Variants in HDAC4 observed in about 807,000 individuals in gnomAD.
HDAC4 encodes the protein histone deacetylase A.
In HDAC4, 16 loss-of-function variants were observed where a neutral mutation model predicts 135.1. That is an observed-to-expected ratio of 0.12 (90% CI 0.08 to 0.18). The LOEUF (loss-of-function observed/expected upper bound fraction) is 0.18, where lower values mean the gene tolerates loss of function less well. Among genes scored for constraint, HDAC4 ranks in the 10% least tolerant of loss-of-function variants. HDAC4 has a pLI of 1.00. For synonymous variants in HDAC4, 685 were observed against 653.4 expected, an observed-to-expected ratio of 1.05 and a Z score of -0.74; for missense variants, 1,143 against 1,511.8, an observed-to-expected ratio of 0.76 and a Z score of 4.05.
At chr2:239,172,417 C>G (rs927804444) in intron 5 of HDAC4, among the ~76,000 whole-genome samples, 16 of 151,262 alleles carry the variant, frequency 1.1e-4, no homozygotes, top group Admixed American at 3.3e-4. Context: ...ATAAATATAT[C>G]AATAATTACA....
In HDAC4 at chr2:239,050,499, A is replaced by G. The variant is rs1485033859; in HGVS notation, c.*2598T>C. On this transcript the variant is annotated 3_prime_UTR_variant, in exon 27 of 27. Coordinates refer to ENST00000543185, the MANE Select transcript of HDAC4 (RefSeq NM_001378414.1). The stretch of plus-strand genomic sequence containing the variant: ...CTTGCCAATCTGGGCTTCAGAGCAA[A>G]GAGTGGCCACCAGGGAGGGGAAAGT... 1 of 152,558 alleles carries G rather than the reference A, an allele frequency of 6.6e-6. No homozygotes were observed. The highest frequency in any genetic ancestry group is 1.5e-5 in the Non-Finnish European group (1 of 68,100). The allele number at this position is 152,558 out of a possible 1,614,324, so 9.5% of individuals were successfully genotyped here.
At chr2:239,234,038 C>T (rs1400154275) in intron 3 of HDAC4, among the ~76,000 whole-genome samples, 1 of 152,228 alleles carries the variant, frequency 6.6e-6, no homozygotes, top group African/African-American at 2.4e-5. Flanking sequence ...ATCAATTTTC[C>T]AGTTATCACC....
At chr2:239,391,665 A>G (rs1014164196) in intron 1 of HDAC4, among the ~76,000 whole-genome samples, 7 of 152,248 alleles carry the variant, frequency 4.6e-5, no homozygotes, top group Non-Finnish European at 1.0e-4. Context: ...TCAACACCCC[A>G]GAGCCATGGA....
Position 239,388,222 on chromosome 2 carries a change from T to C in HDAC4, c.-220+12756A>G, listed in dbSNP as rs1695955385. 2.6e-5 allele frequency among the ~76,000 whole-genome samples: 4 copies of C among 152,214 alleles called. No individual in the cohort carries two copies. The South Asian group carries it at 6.2e-4, about 24-fold the overall frequency. ...CAACAGTTCTTCAAGGAGGAAACCCTGAAGTCTGCTTTGCAGATGGGTGGA... is the reference window on the plus strand; with the variant it reads ...CAACAGTTCTTCAAGGAGGAAACCCCGAAGTCTGCTTTGCAGATGGGTGGA... On this transcript the variant is annotated intron_variant, in intron 1 of 26. Coordinates refer to ENST00000543185, the MANE Select transcript of HDAC4 (RefSeq NM_001378414.1).
In HDAC4 at chr2:239,285,877, C is replaced by T. The variant is rs2051109317; in HGVS notation, c.23-49213G>A. On this transcript the variant is annotated intron_variant, in intron 2 of 26. Transcript: ENST00000543185. The surrounding 1 kb of genome is among the most constrained non-coding windows in gnomAD (Gnocchi z 4.5). ...CAGGGGCTGGAGTCCAGGGCAGCTC[C>T]CAGGAAATGCACGTGGCATGCCTAT... Among the ~76,000 whole-genome samples the T allele has an allele frequency of 6.6e-6, 1 of 152,100 alleles. No individual in the cohort carries two copies. Among genetic ancestry groups the T allele is most frequent in the Non-Finnish European group, 1.5e-5 (1 of 68,014 alleles).
intron 1 of HDAC4, among the ~76,000 whole-genome samples, chr2:239,385,625 G>C (rs1187152796): frequency 1.3e-5 from 2 of 152,250 alleles, no homozygotes; most frequent in Admixed American, 6.5e-5. Flanking sequence ...AAGCCGGCCT[G>C]TGATAAGGAA....
chr2:239,130,795 G>T (rs1038546523), intron 11 of HDAC4, among the ~76,000 whole-genome samples: 1 of 152,180 alleles, frequency 6.6e-6, no homozygotes, highest in Admixed American at 6.5e-5. Context: ...CTGGGTCTTG[G>T]GGGGCCCTGT....
intron 6 of HDAC4, 136 bp downstream of exon 6, chr2:239,163,667 G>A: frequency 1.1e-6 from 1 of 932,920 alleles, no homozygotes; most frequent in Non-Finnish European, 1.8e-6. Context: ...GAGCACCACT[G>A]TGCTTGGGGT....
At chr2:239,385,804 C>A (rs911653599) in intron 1 of HDAC4, among the ~76,000 whole-genome samples, 1 of 152,152 alleles carries the variant, frequency 6.6e-6, no homozygotes, top group African/African-American at 2.4e-5. Context: ...GAGGAAGCCA[C>A]GGAGGCTGTG....
chr2:239,066,970 A>G lies in HDAC4; in HGVS notation c.2870-115T>C, dbSNP rs929216581. ...ACTGGGGGCTGGGGTGTCGAGACAC[A>G]TGGCCAGGCCGGGTTTCGTTTAATA... On this transcript the variant is annotated intron_variant, in intron 23 of 26. Coordinates refer to ENST00000543185, the MANE Select transcript of HDAC4 (RefSeq NM_001378414.1). 6 of 1,290,940 alleles carry G rather than the reference A, an allele frequency of 4.6e-6. No homozygotes were observed. In the African/African-American group the frequency reaches 8.9e-5, roughly 19 times the overall value. The allele number at this position is 1,290,940 out of a possible 1,614,324, so 80.0% of individuals were successfully genotyped here.
chr2:239,228,204 GCCCAGGACCAAGCA>G (rs2153151663), intron 3 of HDAC4, among the ~76,000 whole-genome samples: 1 of 152,274 alleles, frequency 6.6e-6, no homozygotes, highest in African/African-American at 2.4e-5. Context: ...CTGCGCCCTG[GCCCAGGACCAAGCA>G]GCCCCGGGAC....
rs907714116 is a variant in HDAC4, at chr2:239,065,354, C to T, written c.3003+1368G>A. Among the ~76,000 whole-genome samples, 2 of 152,352 alleles carry T rather than the reference C, an allele frequency of 1.3e-5. 1 individual carries two copies. Among genetic ancestry groups the T allele is most frequent in the Middle Eastern group, 6.8e-3 (2 of 294 alleles). ...GCAAAAGCCAGCACTGACCCGAGGG[C>T]ATCTGAGCTGCTGTCCCACTGGTTC... On this transcript the variant is annotated intron_variant, in intron 24 of 26. Transcript: ENST00000543185.
At chr2:239,079,567 G>A (rs1559383297) in intron 22 of HDAC4, among the ~76,000 whole-genome samples, 1 of 152,250 alleles carries the variant, frequency 6.6e-6, no homozygotes, top group African/African-American at 2.4e-5. Context: ...CAGACACTGA[G>A]AGGGGTCTCG....
chr2:239,353,557 A>G (rs1693300779), intron 1 of HDAC4, among the ~76,000 whole-genome samples: 1 of 152,186 alleles, frequency 6.6e-6, no homozygotes, highest in Admixed American at 6.5e-5. Context: ...TCCACACACC[A>G]GATGCCAGCA....
chr2:239,360,002 G>A (rs1693754751), intron 1 of HDAC4, among the ~76,000 whole-genome samples: 1 of 152,194 alleles, frequency 6.6e-6, no homozygotes, highest in Non-Finnish European at 1.5e-5. Context: ...GTTCATGGTT[G>A]CAAGCAATAG....
chr2:239,394,490 T>TGCCTTG (rs1696437506), intron 1 of HDAC4, among the ~76,000 whole-genome samples: 1 of 152,222 alleles, frequency 6.6e-6, no homozygotes. Context: ...TGCACACACC[T>TGCCTTG]GCCTTGGCCT....
intron 2 of HDAC4, among the ~76,000 whole-genome samples, chr2:239,249,913 G>A (rs1169888906): frequency 6.6e-6 from 1 of 152,204 alleles, no homozygotes; most frequent in African/African-American, 2.4e-5. Flanking sequence ...GCTCCACACT[G>A]GTTCTGCCGT....
At chr2:239,083,138 C>T (rs1237278180) in intron 20 of HDAC4, among the ~76,000 whole-genome samples, 1 of 152,274 alleles carries the variant, frequency 6.6e-6, no homozygotes, top group African/African-American at 2.4e-5. Flanking sequence ...ATGACCCTGT[C>T]CGCATGGTGT....
In HDAC4 at chr2:239,061,132, C is replaced by G. The variant is rs556011762; in HGVS notation, c.3003+5590G>C. Among the ~76,000 whole-genome samples the G allele has an allele frequency of 4.6e-4, 69 of 149,464 alleles. 1 individual carries two copies. Among genetic ancestry groups the G allele is most frequent in the Admixed American group, 2.9e-3 (44 of 15,030 alleles). ...CACCGTTGGCACGGGGGGAGTGTGA[C>G]TGAGTGTGAGTGTGTGGTGTGTGTA... is the stretch of plus-strand genomic sequence containing the variant. On this transcript the variant is annotated intron_variant, in intron 24 of 26. Transcript: ENST00000543185.
Sources: allele counts gnomAD v4.1 joint callset (sites outside exome capture counted in the v4.1 genomes callset), GRCh38; gene constraint gnomAD v4.1.1; non-coding constraint Gnocchi (gnomAD v3.1); transcripts MANE v1.5; gene names NCBI Gene and HGNC (gene_info 2026-07-23, HGNC 2026-07-21).